The following GABRB1 variants were observed in gnomAD, a reference collection of about 807,000 sequenced individuals.
GABRB1 encodes gamma-aminobutyric acid type A receptor subunit beta1.
Under a neutral mutation model 51.6 loss-of-function variants are expected in GABRB1, and 17 were observed. The ratio of observed to expected loss-of-function variants is 0.33; its 90% CI spans 0.23 to 0.49. GABRB1 has a LOEUF of 0.49. GABRB1 is among the 20% of genes least tolerant of loss of function. The pLI, the probability that GABRB1 is intolerant of heterozygous loss-of-function variation, is 0.99. For missense variants in GABRB1, 410 were observed against 600.6 expected (o/e 0.68, Z 3.32); for synonymous variants, 247 against 218.9 (o/e 1.13, Z -1.14).
At chr4:47,027,314 A>T (rs1725130779), upstream of GABRB1, among the ~76,000 whole-genome samples, 1 of 151,672 alleles carries the variant, frequency 6.6e-6, no homozygotes, top group Non-Finnish European at 1.5e-5. Flanking sequence ...TAAACCCAGA[A>T]AAAATTGCAA....
At chr4:47,401,556 A>G (rs1578147035) in intron 5 of GABRB1, among the ~76,000 whole-genome samples, 5 of 152,026 alleles carry the variant, frequency 3.3e-5, no homozygotes, top group Admixed American at 2.0e-4. Context: ...CTGAGGGGGG[A>G]AAGAAAATCC....
intron 4 of GABRB1, among the ~76,000 whole-genome samples, chr4:47,245,067 T>A (rs969102928): frequency 6.6e-6 from 1 of 152,084 alleles, no homozygotes; most frequent in Non-Finnish European, 1.5e-5. Context: ...GCTGGTTTTT[T>A]GAAAAGATCA....
chr4:47,161,487 G>C lies in GABRB1; in HGVS notation c.461+18G>C, dbSNP rs2109738040. The C allele has an allele frequency of 6.3e-7, 1 of 1,590,656 alleles. No individual in the cohort carries two copies. Among genetic ancestry groups the C allele is most frequent in the East Asian group, 2.2e-5 (1 of 44,588 alleles). On this transcript the variant is annotated intron_variant, in intron 4 of 8. Coordinates refer to ENST00000295454, the MANE Select transcript of GABRB1 (RefSeq NM_000812.4). The stretch of plus-strand genomic sequence containing the variant: ...GGACTCCGGTAAATGGCTTTATGTT[G>C]CATGTTTTAATGTTGTTGTTGTTTT...
At chr4:47,050,464 G>C (rs1024976016) in intron 3 of GABRB1, among the ~76,000 whole-genome samples, 18 of 151,756 alleles carry the variant, frequency 1.2e-4, no homozygotes, top group African/African-American at 4.4e-4. Context: ...TTTTTTAAGA[G>C]CTGCTTGTTA....
chr4:47,220,348 G>A (rs929923891), intron 4 of GABRB1, among the ~76,000 whole-genome samples: 4 of 151,818 alleles, frequency 2.6e-5, no homozygotes, highest in African/African-American at 9.7e-5. Context: ...TCTCTATTCT[G>A]CATTCTCCTG....
chr4:47,218,332 AT>A (rs1720634779), intron 4 of GABRB1, among the ~76,000 whole-genome samples: 1 of 151,668 alleles, frequency 6.6e-6, no homozygotes, highest in Admixed American at 6.6e-5. Flanking sequence ...TATTGATTTT[AT>A]TTCCTTTGAA....
At chr4:47,348,173 T>C (rs183521005) in intron 5 of GABRB1, among the ~76,000 whole-genome samples, 1 of 152,304 alleles carries the variant, frequency 6.6e-6, no homozygotes, top group East Asian at 1.9e-4. Flanking sequence ...GTTGCTGTTG[T>C]TCATCAACTG....
At chr4:47,141,972 A>G (rs1179116342) in intron 3 of GABRB1, among the ~76,000 whole-genome samples, 1 of 151,924 alleles carries the variant, frequency 6.6e-6, no homozygotes, top group Non-Finnish European at 1.5e-5. Context: ...ATTTCTTGAG[A>G]GCAGTAACTA....
At position 47,254,361 on chromosome 4, in the gene GABRB1, G is replaced by GGTTTTTTTTTTT. The variant is rs1305298443; in HGVS notation, c.462-65766_462-65765insGTTTTTTTTTTT. Among the ~76,000 whole-genome samples, 7 of 80,966 alleles carry GGTTTTTTTTTTT rather than the reference G, an allele frequency of 8.6e-5. 3 individuals carry two copies. Among genetic ancestry groups the GGTTTTTTTTTTT allele is most frequent in the Non-Finnish European group, 6.8e-5 (3 of 44,332 alleles). The allele number at this position is 80,966 out of a possible 152,430, so 53.1% of individuals were successfully genotyped here. On this transcript the variant is annotated intron_variant, in intron 4 of 8. Transcript: ENST00000295454. ...ATGGTGGATGATGTTTCTTTTCTTT[G>GGTTTTTTTTTTT]TTTTTTTTTTTTTTTTTTTTTTTTT...
At chr4:47,301,830 A>G (rs1724275146) in intron 4 of GABRB1, among the ~76,000 whole-genome samples, 1 of 152,158 alleles carries the variant, frequency 6.6e-6, no homozygotes, top group Non-Finnish European at 1.5e-5. Context: ...GCAATAATCA[A>G]TTACAACTGC....
intron 5 of GABRB1, among the ~76,000 whole-genome samples, chr4:47,320,514 T>C (rs1725041985): frequency 6.6e-6 from 1 of 152,196 alleles, no homozygotes; most frequent in Non-Finnish European, 1.5e-5. Flanking sequence ...GACATTTTAA[T>C]ATGAAAAGAG....
intron 3 of GABRB1, among the ~76,000 whole-genome samples, chr4:47,089,083 G>T (rs997916033): frequency 2.0e-5 from 3 of 152,134 alleles, no homozygotes; most frequent in African/African-American, 7.2e-5. Flanking sequence ...TCCATTTGAA[G>T]CACAAATAAA....
chr4:47,042,414 G>GTATATATA (rs764850015), intron 3 of GABRB1, among the ~76,000 whole-genome samples: 4 of 47,036 alleles, frequency 8.5e-5, no homozygotes, highest in Non-Finnish European at 2.1e-4. Context: ...TATGTGTACA[G>GTATATATA]TATATATATA....
intron 7 of GABRB1, among the ~76,000 whole-genome samples, chr4:47,404,831 G>A (rs1339203272): frequency 6.6e-6 from 1 of 152,180 alleles, no homozygotes; most frequent in East Asian, 1.9e-4. Context: ...AACAGTGGAT[G>A]ATGTCCACAG....
intron 8 of GABRB1, among the ~76,000 whole-genome samples, chr4:47,418,189 A>G (rs1437233164): frequency 4.6e-5 from 7 of 152,240 alleles, no homozygotes; most frequent in African/African-American, 1.7e-4. Flanking sequence ...TCAGAGAAAC[A>G]GAACCAATAG....
intron 4 of GABRB1, among the ~76,000 whole-genome samples, chr4:47,197,117 T>A (rs1719714663): frequency 6.6e-6 from 1 of 152,176 alleles, no homozygotes; most frequent in Non-Finnish European, 1.5e-5. Context: ...AACAACCAGA[T>A]TTCCTCTGGC....
At chr4:47,121,524 A>G (rs572073693) in intron 3 of GABRB1, among the ~76,000 whole-genome samples, 1 of 152,324 alleles carries the variant, frequency 6.6e-6, no homozygotes, top group South Asian at 2.1e-4. Context: ...TGATTGATGA[A>G]GGCTTCCATT....
At chr4:47,327,544 A>AT (rs1270415753) in intron 5 of GABRB1, among the ~76,000 whole-genome samples, 1 of 152,146 alleles carries the variant, frequency 6.6e-6, no homozygotes. Context: ...TACTTACACT[A>AT]TGACCAAGTT....
chr4:47,173,814 G>T (rs932600829), intron 4 of GABRB1, among the ~76,000 whole-genome samples: 2 of 152,070 alleles, frequency 1.3e-5, no homozygotes, highest in Non-Finnish European at 2.9e-5. Flanking sequence ...TCATCACACT[G>T]CTGCCCTGCT....
Sources: allele counts gnomAD v4.1 joint callset (sites outside exome capture counted in the v4.1 genomes callset), GRCh38; gene constraint gnomAD v4.1.1; transcripts MANE v1.5; gene names NCBI Gene and HGNC (gene_info 2026-07-23, HGNC 2026-07-21).